The following HTRA1 variants were observed in gnomAD, a reference collection of about 807,000 sequenced individuals.
The protein encoded by HTRA1 is serine protease HTRA1.
A neutral mutation model predicts 49.7 loss-of-function variants in HTRA1; 26 were observed. The observed-to-expected ratio is 0.52, with a 90% confidence interval of 0.38 to 0.73. The LOEUF is 0.73. Ranked by LOEUF, HTRA1 falls within the 30% of genes least tolerant of loss-of-function variation. The pLI is 0.00. For synonymous variants in HTRA1, 291 were observed against 286.9 expected (o/e 1.01, Z -0.14); for missense variants, 561 against 667.2 (o/e 0.84, Z 1.75).
Position 122,514,238 on chromosome 10 carries a change from CCG to C in HTRA1, c.1323_1324del (p.Val442GlyfsTer5). 1 of 1,614,058 alleles carries C rather than the reference CCG, an allele frequency of 6.2e-7. No individual in the cohort carries two copies. The highest frequency in any genetic ancestry group is 1.1e-5 in the South Asian group (1 of 91,076). ...GTCATAATCAGCATCAATGGACAGT[CCG>C]TGGTCTCCGCCAATGATGTCAGCGA... is the stretch of plus-strand genomic sequence containing the variant. On this transcript the variant is annotated frameshift_variant, in exon 9 of 9. Transcript: ENST00000368984. LOFTEE classifies it high-confidence loss of function.
chr10:122,493,930 C>A (rs971284305), intron 3 of HTRA1, among the ~76,000 whole-genome samples: 3 of 151,754 alleles, frequency 2.0e-5, no homozygotes, highest in Non-Finnish European at 4.4e-5. Context: ...TCCCCTGGGG[C>A]CTTGGCTGTT....
At chr10:122,486,183 A>G (rs139975052) in intron 1 of HTRA1, among the ~76,000 whole-genome samples, 1 of 152,256 alleles carries the variant, frequency 6.6e-6, no homozygotes, top group East Asian at 1.9e-4. Context: ...CTCTATTAAG[A>G]AACTTCAGTG....
chr10:122,469,469 C>T (rs2097485179), intron 1 of HTRA1, among the ~76,000 whole-genome samples: 1 of 152,220 alleles, frequency 6.6e-6, no homozygotes, highest in African/African-American at 2.4e-5. Flanking sequence ...CCTCAATGTT[C>T]AGCGGTCACA....
chr10:122,488,867 G>A (rs764228037), intron 1 of HTRA1, 35 bp from the exon 2 acceptor site: 1 of 1,523,198 alleles, frequency 6.6e-7, no homozygotes. Context: ...ACAGCAGAGT[G>A]TCATTAAGTA....
chr10:122,514,165 C>A, intron 8 of HTRA1, 26 bp from the exon 9 acceptor site: 3 of 1,609,268 alleles, frequency 1.9e-6, no homozygotes, highest in Non-Finnish European at 2.6e-6. Flanking sequence ...CGAAACATTG[C>A]CATTGTGTTT....
intron 3 of HTRA1, among the ~76,000 whole-genome samples, chr10:122,493,251 T>C (rs1000251744): frequency 6.6e-6 from 1 of 152,202 alleles, no homozygotes; most frequent in Non-Finnish European, 1.5e-5. Context: ...CATCCCTTTC[T>C]GTGCTTCTGC....
At chr10:122,483,466 C>A (rs2097491879) in intron 1 of HTRA1, among the ~76,000 whole-genome samples, 1 of 152,166 alleles carries the variant, frequency 6.6e-6, no homozygotes, top group South Asian at 2.1e-4. Flanking sequence ...TTTTACAAAT[C>A]TTAGTTACTC....
chr10:122,511,884 A>C (rs1034164071), intron 7 of HTRA1, 86 bp from the exon 8 acceptor site: 1 of 920,072 alleles, frequency 1.1e-6, no homozygotes, highest in East Asian at 2.4e-5. Context: ...CCTAAGGAGA[A>C]GACGGGAACT....
chr10:122,476,071 G>A (rs1483619281), intron 1 of HTRA1, among the ~76,000 whole-genome samples: 2 of 152,136 alleles, frequency 1.3e-5, no homozygotes, highest in Non-Finnish European at 2.9e-5. Flanking sequence ...CAGACAGGAG[G>A]CCCCCTCCCC....
chr10:122,488,591 ACTTGGGCCATCAG>A (rs2097494149), intron 1 of HTRA1, among the ~76,000 whole-genome samples: 1 of 152,044 alleles, frequency 6.6e-6, no homozygotes, highest in East Asian at 1.9e-4. Flanking sequence ...CAAAAAACAA[ACTTGGGCCATCAG>A]CTTCTTGGAA....
In HTRA1 at chr10:122,514,547, T is replaced by C. The variant is rs2097507067; in HGVS notation, c.*188T>C. 1 of 636,228 alleles carries C rather than the reference T, an allele frequency of 1.6e-6. No individual in the cohort carries two copies. Among genetic ancestry groups the C allele is most frequent in the Non-Finnish European group, 2.8e-6 (1 of 354,280 alleles). 39.4% of individuals were successfully genotyped at this position (636,228 alleles called of 1,614,324 possible). On this transcript the variant is annotated 3_prime_UTR_variant, in exon 9 of 9. Coordinates refer to ENST00000368984, the MANE Select transcript of HTRA1 (RefSeq NM_002775.5). ...GGCAAAACAAATGTAATGTTGCAGA[T>C]CCGCAGGCAGAAGCTCTGCCCTTCT... is the stretch of plus-strand genomic sequence containing the variant.
intron 5 of HTRA1, among the ~76,000 whole-genome samples, chr10:122,508,455 T>C (rs2097504134): frequency 6.6e-6 from 1 of 152,262 alleles, no homozygotes; most frequent in South Asian, 2.1e-4. Context: ...GTATGTGCGA[T>C]TCTTCCACAG....
chr10:122,467,454 T>G (rs1461535659), intron 1 of HTRA1, among the ~76,000 whole-genome samples: 2 of 152,208 alleles, frequency 1.3e-5, no homozygotes, highest in African/African-American at 4.8e-5. Context: ...GAGGAGGTTG[T>G]GGTCACCTCA....
chr10:122,488,866 T>C (rs369998449), intron 1 of HTRA1, 36 bp from the exon 2 acceptor site: 1 of 1,508,534 alleles, frequency 6.6e-7, no homozygotes, highest in Non-Finnish European at 9.2e-7. Flanking sequence ...CACAGCAGAG[T>C]GTCATTAAGT....
At chr10:122,471,530 C>T (rs544758707) in intron 1 of HTRA1, among the ~76,000 whole-genome samples, 11 of 152,334 alleles carry the variant, frequency 7.2e-5, no homozygotes, top group Non-Finnish European at 1.5e-4. Context: ...ACCACTTTAC[C>T]TGTAAAGACA....
chr10:122,470,988 G>T (rs1333360408), intron 1 of HTRA1, among the ~76,000 whole-genome samples: 1 of 152,098 alleles, frequency 6.6e-6, no homozygotes, highest in East Asian at 1.9e-4. Flanking sequence ...CATGTCCAAG[G>T]GCAGATGCGT....
intron 3 of HTRA1, among the ~76,000 whole-genome samples, chr10:122,496,225 GTTCTTTTTTTTTTTTTTTT>G (rs1199214143): frequency 1.5e-4 from 12 of 80,384 alleles, no homozygotes; most frequent in East Asian, 3.9e-4. Flanking sequence ...GAGATTGTGG[GTTCTTTTTTTTTTTTTTTT>G]TTTTTTTTTT....
intron 1 of HTRA1, among the ~76,000 whole-genome samples, 192 bp from the exon 2 acceptor site, chr10:122,488,710 C>G (rs1425310901): frequency 6.6e-6 from 1 of 152,182 alleles, no homozygotes; most frequent in Non-Finnish European, 1.5e-5. Context: ...ATTTTACTGC[C>G]TTACCTGGGT....
At chr10:122,511,860 A>C (rs939613945) in intron 7 of HTRA1, 110 bp from the exon 8 acceptor site, 12 of 762,516 alleles carry the variant, frequency 1.6e-5, no homozygotes, top group Non-Finnish European at 2.3e-5. Context: ...TTCCTGGAGG[A>C]ATTTTACCTT....
Sources: gnomAD v4.1 joint callset for allele counts (sites outside exome capture counted in the v4.1 genomes callset) on GRCh38, gnomAD v4.1.1 for gene constraint, MANE v1.5 for transcripts, NCBI Gene and HGNC (gene_info 2026-07-23, HGNC 2026-07-21) for gene names.